The following GLB1 variants were observed in gnomAD, a reference collection of about 807,000 sequenced individuals.
The protein encoded by GLB1 is beta-galactosidase.
Under a neutral mutation model 74.0 loss-of-function variants are expected in GLB1, and 56 were observed. The observed-to-expected ratio is 0.76, with a 90% CI of 0.61 to 0.94. The LOEUF is 0.94. Among genes scored for constraint, GLB1 ranks in the 40% least tolerant of loss-of-function variants. The pLI is 0.00. For synonymous variants in GLB1, 323 were observed against 323.6 expected (o/e 1.00, Z 0.02); for missense variants, 787 against 845.5 (o/e 0.93, Z 0.86).
chr3:32,966,249 A>T, the GLB1 span, among the ~76,000 whole-genome samples: 1 of 152,222 alleles, frequency 6.6e-6, no homozygotes. Flanking sequence ...CTGCAAAGCC[A>T]CAGGGGCGGA....
chr3:33,082,117 T>A (rs1049561440), intron 1 of GLB1, among the ~76,000 whole-genome samples: 1 of 152,218 alleles, frequency 6.6e-6, no homozygotes. Flanking sequence ...CACCACCTTC[T>A]GAGGACTACT....
chr3:33,028,647 T>C (rs955735353), intron 10 of GLB1, among the ~76,000 whole-genome samples: 4 of 151,874 alleles, frequency 2.6e-5, no homozygotes, highest in Non-Finnish European at 5.9e-5. Context: ...CCATACTTGC[T>C]TATGTCATTT....
intron 14 of GLB1, 126 bp downstream of exon 14, chr3:33,016,583 C>G (rs888255591): frequency 2.8e-5 from 43 of 1,539,496 alleles, no homozygotes; most frequent in Admixed American, 2.0e-4. Flanking sequence ...AACTCCTGGC[C>G]TCAAGTGATC....
downstream of GLB1, among the ~76,000 whole-genome samples, chr3:32,993,603 C>T (rs1263643292): frequency 5.2e-5 from 7 of 135,826 alleles, no homozygotes; most frequent in African/African-American, 1.7e-4. Context: ...GGCGCAATCT[C>T]GGCTCACTGC....
At chr3:32,977,276 G>T in the GLB1 span, among the ~76,000 whole-genome samples, 1 of 149,610 alleles carries the variant, frequency 6.7e-6, no homozygotes, top group African/African-American at 2.5e-5. Context: ...GCGCAATCTC[G>T]GCTCACTGCA....
intron 1 of GLB1, among the ~76,000 whole-genome samples, chr3:33,078,221 G>A (rs558198822): frequency 2.6e-5 from 4 of 152,308 alleles, no homozygotes; most frequent in Non-Finnish European, 4.4e-5. Context: ...TCCAGCCTGG[G>A]TGACAGAGAG....
At chr3:33,036,279 T>C (rs1698272938) in intron 10 of GLB1, among the ~76,000 whole-genome samples, 1 of 151,996 alleles carries the variant, frequency 6.6e-6, no homozygotes, top group African/African-American at 2.4e-5. Flanking sequence ...CAAGGGAAGG[T>C]CAAGAAAAGT....
At chr3:33,009,254 T>C (rs1404247655) in intron 15 of GLB1, among the ~76,000 whole-genome samples, 1 of 152,122 alleles carries the variant, frequency 6.6e-6, no homozygotes, top group African/African-American at 2.4e-5. Flanking sequence ...CCGGGTGCAG[T>C]GGTTCATGCC....
rs904141884 is a variant in GLB1 at position 33,073,446 on chromosome 3, G to A, written c.76-733C>T. Among the ~76,000 whole-genome samples the A allele has an allele frequency of 2.0e-5, 3 of 152,290 alleles. No individual in the cohort carries two copies. In the East Asian group the frequency reaches 5.8e-4, roughly 29 times the overall value. On this transcript the variant is annotated intron_variant, in intron 1 of 15. Coordinates refer to ENST00000307363, the MANE Select transcript of GLB1 (RefSeq NM_000404.4). ...CTCACACCTGTAATCCCAGAACTTT[G>A]GGAGGCCAAGGCAGGTGGATCACCT...
chr3:33,062,674 G>A (rs2125539340), intron 5 of GLB1, among the ~76,000 whole-genome samples: 1 of 152,156 alleles, frequency 6.6e-6, no homozygotes, highest in East Asian at 1.9e-4. Flanking sequence ...TGTAGTCCCA[G>A]CTATTCAGGA....
the GLB1 span, among the ~76,000 whole-genome samples, chr3:32,977,436 G>T: frequency 6.6e-6 from 1 of 152,044 alleles, no homozygotes; most frequent in Non-Finnish European, 1.5e-5. Context: ...TCAAACTCCT[G>T]ACCTCAAGTG....
At chr3:32,990,797 C>A in the GLB1 span, among the ~76,000 whole-genome samples, 1 of 152,208 alleles carries the variant, frequency 6.6e-6, no homozygotes, top group Non-Finnish European at 1.5e-5. Context: ...CACGGTGAAA[C>A]CCCGTCTCTA....
chr3:33,053,678 C>G, intron 6 of GLB1, 129 bp from the exon 7 acceptor site: 1 of 1,268,046 alleles, frequency 7.9e-7, no homozygotes, highest in East Asian at 2.5e-5. Context: ...CCCCAAAATT[C>G]TCATGTTGGA....
At chr3:33,062,963 C>CT (rs2125539713) in intron 5 of GLB1, among the ~76,000 whole-genome samples, 1 of 152,266 alleles carries the variant, frequency 6.6e-6, no homozygotes, top group East Asian at 1.9e-4. Flanking sequence ...GGCCAGGAGA[C>CT]TAGAGACACA....
At chr3:32,962,246 A>C in the GLB1 span, among the ~76,000 whole-genome samples, 2 of 152,144 alleles carry the variant, frequency 1.3e-5, no homozygotes, top group Non-Finnish European at 2.9e-5. Flanking sequence ...GCCTAAGGAG[A>C]CAACTACATG....
intron 1 of GLB1, chr3:33,096,588 C>A (rs1165399367): frequency 1.9e-6 from 2 of 1,035,882 alleles, no homozygotes; most frequent in African/African-American, 3.4e-5. Context: ...CATTTTTCTC[C>A]TTCCGGAGCG....
At chr3:33,050,790 C>T (rs560747561) in intron 9 of GLB1, among the ~76,000 whole-genome samples, 3 of 152,224 alleles carry the variant, frequency 2.0e-5, no homozygotes, top group East Asian at 1.9e-4. Context: ...GTGAATTATA[C>T]CTCAACAAAA....
chr3:33,065,280 T>C (rs928266511), intron 5 of GLB1, among the ~76,000 whole-genome samples, 183 bp downstream of exon 5: 1 of 152,210 alleles, frequency 6.6e-6, no homozygotes, highest in Admixed American at 6.5e-5. Context: ...GCCTGCCACA[T>C]AGCAGGCATT....
intron 1 of GLB1, among the ~76,000 whole-genome samples, chr3:33,085,386 T>G (rs908775985): frequency 5.9e-5 from 9 of 152,084 alleles, no homozygotes; most frequent in Non-Finnish European, 8.8e-5. Context: ...CCACTCAATT[T>G]TGCTATAAGG....
Sources: allele counts gnomAD v4.1 joint callset (sites outside exome capture counted in the v4.1 genomes callset), GRCh38; gene constraint gnomAD v4.1.1; transcripts MANE v1.5; gene names NCBI Gene and HGNC (gene_info 2026-07-23, HGNC 2026-07-21).